The following BATF2 variants were observed in gnomAD, a reference collection of about 807,000 sequenced individuals.
BATF2 encodes the protein basic leucine zipper transcriptional factor ATF-like 2.
BATF2 carries 4 observed loss-of-function variants against 7.3 expected under a neutral mutation model. The ratio of observed to expected loss-of-function variants is 0.55; its 90% CI spans 0.27 to 1.26. BATF2 has a LOEUF of 1.26. BATF2 is among the 50% of genes most tolerant of loss of function. The probability of loss-of-function intolerance (pLI) is 0.11; values close to 1 mark genes in which losing one functional copy is unlikely to be tolerated. For missense variants in BATF2, 295 were observed against 340.5 expected (o/e 0.87, Z 1.05); for synonymous variants, 152 against 153.9 (o/e 0.99, Z 0.09).
chr11:64,988,093 A>T lies in BATF2; in HGVS notation c.*1036T>A, dbSNP rs1946037596. ...AGGGTTTCTCTCCCCCACCCGCCTC[A>T]GAGTGCTTGTCCTGGAATCAGAGTG... is the stretch of plus-strand genomic sequence containing the variant. On this transcript the variant is annotated 3_prime_UTR_variant, in exon 3 of 3. Transcript: ENST00000301887. 1 of 152,246 alleles carries T rather than the reference A, an allele frequency of 6.6e-6. No individual in the cohort carries two copies. The highest frequency in any genetic ancestry group is 1.5e-5 in the Non-Finnish European group (1 of 68,060). The allele number at this position is 152,246 out of a possible 1,614,324, so 9.4% of individuals were successfully genotyped here.
intron 1 of BATF2, among the ~76,000 whole-genome samples, chr11:64,996,114 C>T (rs1363182095): frequency 1.3e-5 from 2 of 151,978 alleles, no homozygotes; most frequent in Non-Finnish European, 2.9e-5. Context: ...TGTGCCTCCA[C>T]CACGCCCAGC....
intron 1 of BATF2, among the ~76,000 whole-genome samples, chr11:64,994,906 C>T (rs1329231116): frequency 2.6e-5 from 4 of 152,136 alleles, no homozygotes; most frequent in South Asian, 2.1e-4. Context: ...AGTAGTGCAG[C>T]GGCTCTATCT....
chr11:64,993,898 C>T (rs554761897), intron 2 of BATF2, among the ~76,000 whole-genome samples: 3 of 152,078 alleles, frequency 2.0e-5, no homozygotes, highest in Non-Finnish European at 4.4e-5. Flanking sequence ...TGGGCTCAAG[C>T]GATCCTCCTG....
intron 2 of BATF2, among the ~76,000 whole-genome samples, chr11:64,991,151 G>A (rs1314876945): frequency 7.7e-6 from 1 of 130,596 alleles, no homozygotes; most frequent in African/African-American, 2.9e-5. Context: ...GTGGAATGAT[G>A]AATTTTTTTT....
intron 2 of BATF2, chr11:64,990,326 C>T: frequency 6.8e-7 from 1 of 1,471,346 alleles, no homozygotes; most frequent in Non-Finnish European, 9.0e-7. Flanking sequence ...GGCCACATTT[C>T]CTGTTTCCTC....
rs759861507 is a variant in BATF2, at chr11:64,989,750, G to A, written c.204C>T (p.Ala68=). 14 of 1,613,898 alleles carry A rather than the reference G, an allele frequency of 8.7e-6. No individual in the cohort carries two copies. Among genetic ancestry groups the A allele is most frequent in the South Asian group, 6.6e-5 (6 of 91,088 alleles). ...GGGTCCGGCTCCACCACGCCAGCTCGGCCTGCAGGGACTGGATCTCCTTCC... is the reference window on the plus strand; with the variant it reads ...GGGTCCGGCTCCACCACGCCAGCTCAGCCTGCAGGGACTGGATCTCCTTCC... The part of the protein sequence containing the change: ...ALRKEIQSLQ[A]ELAWWSRTLH... Residue 68 remains alanine (A), a synonymous_variant, in exon 3 of 3, where the codon GCC becomes GCT. Coordinates refer to ENST00000301887, the MANE Select transcript of BATF2 (RefSeq NM_138456.4). This position sits in a 1 kb window ranked among gnomAD's most constrained non-coding sequence, Gnocchi z 4.3.
At chr11:64,991,493 C>G (rs532560468) in intron 2 of BATF2, among the ~76,000 whole-genome samples, 1 of 152,196 alleles carries the variant, frequency 6.6e-6, no homozygotes, top group South Asian at 2.1e-4. Context: ...ATTAGGCCAC[C>G]CTTCACCTAA....
chr11:64,994,604 G>A lies in BATF2; in HGVS notation c.40-55C>T, dbSNP rs771286421. The A allele has an allele frequency of 1.5e-4, 222 of 1,487,714 alleles. 1 individual carries two copies. The African/African-American group carries it at 1.9e-3, about 13-fold the overall frequency. The allele number at this position is 1,487,714 out of a possible 1,614,324, so 92.2% of individuals were successfully genotyped here. On this transcript the variant is annotated intron_variant, in intron 1 of 2. Transcript: ENST00000301887. ...GGCCCAGCCAGGCCTTGTGCCCTCC[G>A]TCCTGGCCCGCCATTTGTAAAGCCA...
intron 2 of BATF2, chr11:64,990,403 G>A (rs1946066794): frequency 3.6e-6 from 5 of 1,396,802 alleles, no homozygotes; most frequent in African/African-American, 1.5e-5. Flanking sequence ...TGGCAACCTT[G>A]ATGTCATTCT....
chr11:64,990,325 TCCTGTTTCC>T (rs1174657065), intron 2 of BATF2: 3 of 1,470,846 alleles, frequency 2.0e-6, no homozygotes, highest in Non-Finnish European at 2.7e-6. Flanking sequence ...CGGCCACATT[TCCTGTTTCC>T]TCTGCCTGGA....
chr11:64,996,117 C>T (rs558370759), intron 1 of BATF2, among the ~76,000 whole-genome samples: 19 of 152,090 alleles, frequency 1.2e-4, no homozygotes, highest in Admixed American at 5.2e-4. Flanking sequence ...GCCTCCACCA[C>T]GCCCAGCTAA....
chr11:64,993,202 A>T (rs1214975387), intron 2 of BATF2, among the ~76,000 whole-genome samples: 3 of 152,142 alleles, frequency 2.0e-5, no homozygotes, highest in Non-Finnish European at 4.4e-5. Context: ...TCTGCTAAAA[A>T]TACAAAAATT....
At position 64,989,763 on chromosome 11, in the gene BATF2, T is replaced by C. The variant is rs1946059068; in HGVS notation, c.191A>G (p.Gln64Arg). Residue 64 changes from glutamine to arginine, a missense_variant, in exon 3 of 3, where the codon CAG becomes CGG. Transcript: ENST00000301887. This position sits in a 1 kb window ranked among gnomAD's most constrained non-coding sequence, Gnocchi z 4.3. Reference sequence around the variant, plus strand: ...CCACGCCAGCTCGGCCTGCAGGGACTGGATCTCCTTCCGCAGGGCGAGGTT... The same window carrying C: ...CCACGCCAGCTCGGCCTGCAGGGACCGGATCTCCTTCCGCAGGGCGAGGTT... ...KDNLALRKEI[Q>R]SLQAELAWWS... is the part of the protein sequence containing the mutation. 6.2e-7 allele frequency: 1 copy of C among 1,613,882 alleles called. No homozygotes were observed. Among genetic ancestry groups the C allele is most frequent in the African/African-American group, 1.3e-5 (1 of 74,936 alleles).
In BATF2 at chr11:64,988,625, A is replaced by T. The variant is rs1437885438; in HGVS notation, c.*504T>A. 1 of 161,470 alleles carries T rather than the reference A, an allele frequency of 6.2e-6. No individual in the cohort carries two copies. Among genetic ancestry groups the T allele is most frequent in the African/African-American group, 2.4e-5 (1 of 41,390 alleles). The allele number at this position is 161,470 out of a possible 1,614,324, so 10.0% of individuals were successfully genotyped here. ...TTGGCCTCTACCCACCAGGGCTTGGACTCTGGACCTGCCCCAGCTAGGTTG... is the reference window on the plus strand; with the variant it reads ...TTGGCCTCTACCCACCAGGGCTTGGTCTCTGGACCTGCCCCAGCTAGGTTG... On this transcript the variant is annotated 3_prime_UTR_variant, in exon 3 of 3. Coordinates refer to ENST00000301887, the MANE Select transcript of BATF2 (RefSeq NM_138456.4).
rs968639060 is a variant in BATF2 at position 64,990,021 on chromosome 11, A to G, written c.142-209T>C. The G allele has an allele frequency of 8.5e-6, 13 of 1,536,620 alleles. No individual in the cohort carries two copies. The African/African-American group carries it at 1.8e-4, about 21-fold the overall frequency. ...GTCCCACCCTCTGAAGGGGGCTCAGATCCGCCTGCTGTCATCCCACCACTA... is the reference window on the plus strand; with the variant it reads ...GTCCCACCCTCTGAAGGGGGCTCAGGTCCGCCTGCTGTCATCCCACCACTA... On this transcript the variant is annotated intron_variant, in intron 2 of 2. Transcript: ENST00000301887.
rs1468012931 is a variant in BATF2 at position 64,990,349 on chromosome 11, C to G, written c.142-537G>C. 4.8e-6 allele frequency: 7 copies of G among 1,454,880 alleles called. No individual in the cohort carries two copies. The South Asian group carries it at 8.4e-5, about 17-fold the overall frequency. The allele number at this position is 1,454,880 out of a possible 1,614,324, so 90.1% of individuals were successfully genotyped here. ...TTCCTGTTTCCTCTGCCTGGACACC[C>G]TTCCGCCGCCCTTCTCTGTGCAAAT... On this transcript the variant is annotated intron_variant, in intron 2 of 2. Transcript: ENST00000301887.
rs1022480979 is a variant in BATF2 at position 64,996,856 on chromosome 11, C to T, written c.39+20G>A. 1 of 1,611,948 alleles carries T rather than the reference C, an allele frequency of 6.2e-7. No individual in the cohort carries two copies. The highest frequency in any genetic ancestry group is 8.5e-7 in the Non-Finnish European group (1 of 1,179,070). On this transcript the variant is annotated intron_variant, in intron 1 of 2. Transcript: ENST00000301887. ...CCCAGCTCCCCTTCTCATCCCCGATCCCCAATCCCCTGTACTCACTGTCTG... is the reference window on the plus strand; with the variant it reads ...CCCAGCTCCCCTTCTCATCCCCGATTCCCAATCCCCTGTACTCACTGTCTG...
chr11:64,989,768 C>G lies in BATF2; in HGVS notation c.186G>C (p.Glu62Asp). The G allele has an allele frequency of 6.2e-7, 1 of 1,614,006 alleles. No homozygotes were observed. The highest frequency in any genetic ancestry group is 8.5e-7 in the Non-Finnish European group (1 of 1,180,018). Reference protein sequence around the residue: ...LEKDNLALRKEIQSLQAELAW... With the variant: ...LEKDNLALRKDIQSLQAELAW... ...CCAGCTCGGCCTGCAGGGACTGGAT[C>G]TCCTTCCGCAGGGCGAGGTTGTCTT... is the stretch of plus-strand genomic sequence containing the variant. Residue 62 changes from glutamate (E) to aspartate (D), a missense_variant, in exon 3 of 3, where the codon GAG becomes GAC. Physicochemically the swap from Glu to Asp is conservative, Grantham distance 45. Transcript: ENST00000301887. The surrounding 1 kb of genome is among the most constrained non-coding windows in gnomAD (Gnocchi z 4.3).
In BATF2 at chr11:64,990,000, C is replaced by T. The variant is rs1237285995; in HGVS notation, c.142-188G>A. 1 of 1,527,346 alleles carries T rather than the reference C, an allele frequency of 6.5e-7. No homozygotes were observed. Among genetic ancestry groups the T allele is most frequent in the Non-Finnish European group, 8.8e-7 (1 of 1,130,826 alleles). 94.6% of individuals were successfully genotyped at this position (1,527,346 alleles called of 1,614,324 possible). On this transcript the variant is annotated intron_variant, in intron 2 of 2. Coordinates refer to ENST00000301887, the MANE Select transcript of BATF2 (RefSeq NM_138456.4). The surrounding 1 kb of genome is among the most constrained non-coding windows in gnomAD (Gnocchi z 4.3). ...ACCACCTACCAAGTCTCCCCTGTCCCACCCTCTGAAGGGGGCTCAGATCCG... is the reference window on the plus strand; with the variant it reads ...ACCACCTACCAAGTCTCCCCTGTCCTACCCTCTGAAGGGGGCTCAGATCCG...
Sources: allele counts gnomAD v4.1 joint callset (sites outside exome capture counted in the v4.1 genomes callset), GRCh38; gene constraint gnomAD v4.1.1; non-coding constraint Gnocchi (gnomAD v3.1); transcripts MANE v1.5; gene names NCBI Gene and HGNC (gene_info 2026-07-23, HGNC 2026-07-21).